The following PFKFB1 variants were observed in gnomAD, a reference collection of about 807,000 sequenced individuals.
PFKFB1 encodes 6-phosphofructo-2-kinase/fructose-2,6-bisphosphatase 1.
In PFKFB1, 34 loss-of-function variants were observed where a neutral mutation model predicts 46.4. The ratio of observed to expected loss-of-function variants is 0.73; its 90% CI spans 0.56 to 0.98. PFKFB1 has a LOEUF of 0.98. Among genes scored for constraint, PFKFB1 ranks in the 50% least tolerant of loss-of-function variants. The pLI is 0.00. For synonymous variants in PFKFB1, 119 were observed against 133.8 expected (o/e 0.89, Z 0.76); for missense variants, 393 against 376.3 (o/e 1.04, Z -0.37).
intron 1 of PFKFB1, among the ~76,000 whole-genome samples, chrX:54,985,687 T>A (rs1398764427): frequency 1.8e-5 from 2 of 110,487 alleles, no homozygotes; most frequent in Non-Finnish European, 3.8e-5. Flanking sequence ...TTATATAAAA[T>A]AATACTTATA....
chrX:54,956,076 A>G (rs1467795330), intron 7 of PFKFB1, 77 bp downstream of exon 7: 1 of 622,487 alleles, frequency 1.6e-6, no homozygotes, highest in Non-Finnish European at 2.5e-6. Context: ...GCAAGGGAGG[A>G]TATTTACTCT....
In PFKFB1 at chrX:54,959,893, C is replaced by T. The variant is rs1248887214; in HGVS notation, c.318G>A (p.Lys106=). Residue 106 remains lysine, a splice_region_variant and synonymous_variant, in exon 4 of 14, where the codon AAG becomes AAA. Coordinates refer to ENST00000375006, the MANE Select transcript of PFKFB1 (RefSeq NM_002625.4). ...CCTTCAGGGCTGCCAGGGCGCACTG[C>T]CTGAAATAGACCAGGAAAGAAAAAG... ...PDNMEALQIR[K]QCALAALKDV... 4 of 1,188,185 alleles carry T rather than the reference C, an allele frequency of 3.4e-6. No homozygotes were observed. Among genetic ancestry groups the T allele is most frequent in the Admixed American group, 2.2e-5 (1 of 45,425 alleles).
chrX:54,962,531 C>T (rs755754120), intron 2 of PFKFB1, among the ~76,000 whole-genome samples: 7 of 111,795 alleles, frequency 6.3e-5, no homozygotes, highest in Non-Finnish European at 1.3e-4. Flanking sequence ...CATCGGGAAA[C>T]TCCTCACCAG....
chrX:54,963,803 G>A (rs1332586440), intron 1 of PFKFB1, among the ~76,000 whole-genome samples: 1 of 112,657 alleles, frequency 8.9e-6, no homozygotes, highest in Admixed American at 9.4e-5. Flanking sequence ...GTGCTGACAA[G>A]AAAGACTGAG....
At chrX:54,979,872 C>G (rs1301600247) in intron 1 of PFKFB1, among the ~76,000 whole-genome samples, 1 of 111,671 alleles carries the variant, frequency 9.0e-6, no homozygotes, top group African/African-American at 3.3e-5. Flanking sequence ...TTTTGTTGGT[C>G]CTCTTTGGCT....
chrX:54,975,277 A>G (rs188216697), intron 1 of PFKFB1, among the ~76,000 whole-genome samples: 1 of 111,601 alleles, frequency 9.0e-6, no homozygotes, highest in East Asian at 2.8e-4. Context: ...TGGTATATAT[A>G]CACCATGGAA....
In PFKFB1 at chrX:54,945,502, A is replaced by G. The variant is rs1933777821; in HGVS notation, c.1035T>C (p.His345=). The G allele has an allele frequency of 8.3e-7, 1 of 1,199,914 alleles. No individual in the cohort carries two copies. The highest frequency in any genetic ancestry group is 1.1e-6 in the Non-Finnish European group (1 of 885,811). ...CTCGCAGTGCAAATTCTTCAGGGTAATGTTCCTGGATTTCTTCATAGGTCA... is the reference window on the plus strand; with the variant it reads ...CTCGCAGTGCAAATTCTTCAGGGTAGTGTTCCTGGATTTCTTCATAGGTCA... ...EEMTYEEIQE[H]YPEEFALRDQ... is the part of the protein sequence containing the mutation. Residue 345 remains histidine (H), a synonymous_variant, in exon 10 of 14, where the codon CAT becomes CAC. Transcript: ENST00000375006.
intron 11 of PFKFB1, among the ~76,000 whole-genome samples, chrX:54,935,377 A>G (rs1339486012): frequency 9.0e-6 from 1 of 111,684 alleles, no homozygotes; most frequent in Non-Finnish European, 1.9e-5. Context: ...AAAGGCCCAC[A>G]GTTCACGTCA....
At chrX:54,942,895 A>G (rs1015475466) in intron 10 of PFKFB1, among the ~76,000 whole-genome samples, 1 of 111,785 alleles carries the variant, frequency 8.9e-6, no homozygotes, top group African/African-American at 3.2e-5. Flanking sequence ...AGCATATTGG[A>G]TACTACTTAA....
At chrX:54,958,811 G>C in intron 5 of PFKFB1, 40 bp downstream of exon 5, 2 of 953,477 alleles carry the variant, frequency 2.1e-6, no homozygotes, top group South Asian at 2.1e-5. Context: ...GTTTGTGCTG[G>C]AGAAATAGGC....
intron 8 of PFKFB1, among the ~76,000 whole-genome samples, chrX:54,951,454 C>T (rs1711866786): frequency 8.9e-6 from 1 of 111,759 alleles, no homozygotes; most frequent in African/African-American, 3.3e-5. Flanking sequence ...GGGATAAGGT[C>T]GGGAGGGCAG....
At chrX:54,996,513 C>T (rs1422104425), upstream of PFKFB1, among the ~76,000 whole-genome samples, 2 of 112,351 alleles carry the variant, frequency 1.8e-5, no homozygotes, top group African/African-American at 6.5e-5. Context: ...AGGCTTTTGA[C>T]AAAGTCTTAA....
intron 6 of PFKFB1, 80 bp from the exon 7 acceptor site, chrX:54,956,354 T>C (rs1476333550): frequency 1.8e-6 from 2 of 1,106,788 alleles, no homozygotes; most frequent in African/African-American, 1.8e-5. Flanking sequence ...TTAGAGACCA[T>C]TGAGTACAAG....
chrX:54,975,546 G>A lies in PFKFB1; in HGVS notation c.98-12164C>T, dbSNP rs762200154. ...TGGGGCCAGTGTACACTGCTCAGGT[G>A]ACGGATGCACCAAAATCTCAGAAAC... On this transcript the variant is annotated intron_variant, in intron 1 of 13. Transcript: ENST00000375006. 1.3e-4 allele frequency among the ~76,000 whole-genome samples: 14 copies of A among 111,018 alleles called. No individual in the cohort carries two copies. In the South Asian group the frequency reaches 4.9e-3, roughly 39 times the overall value.
upstream of PFKFB1, among the ~76,000 whole-genome samples, chrX:54,996,489 G>A (rs1464859757): frequency 8.9e-5 from 10 of 112,409 alleles, no homozygotes; most frequent in African/African-American, 2.9e-4. Context: ...GGAAATCTGA[G>A]ATAAGAAGCT....
rs758972099 is a variant in PFKFB1, at chrX:54,949,075, C to T, written c.993G>A (p.Ala331=). Residue 331 remains alanine, a splice_region_variant and synonymous_variant, in exon 9 of 14, where the codon GCG becomes GCA. Coordinates refer to ENST00000375006, the MANE Select transcript of PFKFB1 (RefSeq NM_002625.4). The part of the protein sequence containing the change: ...EQWKALNEID[A]GVCEEMTYEE... ...AGGAGATTCACCCCATGCATCTCAC[C>T]GCATCAATCTCATTCAGGGCCTTCC... 7 of 1,208,645 alleles carry T rather than the reference C, an allele frequency of 5.8e-6. No individual in the cohort carries two copies. Among genetic ancestry groups the T allele is most frequent in the Non-Finnish European group, 7.8e-6 (7 of 894,385 alleles).
rs145293954 is a variant in PFKFB1 at position 54,933,979 on chromosome X, C to T, written c.1292-94G>A. ...CTCCCCTCCCCCATCACCAGCCACACCCCCAGCTTCATACTGTGTACAGAT... is the reference window on the plus strand; with the variant it reads ...CTCCCCTCCCCCATCACCAGCCACATCCCCAGCTTCATACTGTGTACAGAT... On this transcript the variant is annotated intron_variant, in intron 12 of 13. Transcript: ENST00000375006. 2,783 of 632,345 alleles carry T rather than the reference C, an allele frequency of 4.4e-3. 47 individuals are homozygous for T. The African/African-American group carries it at 0.054, about 12-fold the overall frequency. The allele number at this position is 632,345 out of a possible 1,213,427, so 52.1% of individuals were successfully genotyped here.
At chrX:54,968,320 G>C in intron 1 of PFKFB1, among the ~76,000 whole-genome samples, 1 of 68,813 alleles carries the variant, frequency 1.5e-5, no homozygotes, top group Admixed American at 2.1e-4. Context: ...GGGGCCTGTT[G>C]TGGGGTGGGG....
At chrX:54,975,163 T>C (rs1934804777) in intron 1 of PFKFB1, among the ~76,000 whole-genome samples, 1 of 111,470 alleles carries the variant, frequency 9.0e-6, no homozygotes, top group South Asian at 3.7e-4. Context: ...CGCATGTTTA[T>C]AGCAGCACAC....
Sources: allele counts gnomAD v4.1 joint callset (sites outside exome capture counted in the v4.1 genomes callset), GRCh38; gene constraint gnomAD v4.1.1; transcripts MANE v1.5; gene names NCBI Gene and HGNC (gene_info 2026-07-23, HGNC 2026-07-21).